Variants in FBXL17 observed in about 807,000 individuals in gnomAD.
The protein encoded by FBXL17 is F-box/LRR-repeat protein 17.
Under a neutral mutation model 66.2 loss-of-function variants are expected in FBXL17, and 22 were observed. The ratio of observed to expected loss-of-function variants is 0.33; its 90% CI spans 0.24 to 0.47. The LOEUF (loss-of-function observed/expected upper bound fraction) is 0.47. Among genes scored for constraint, FBXL17 ranks in the 20% least tolerant of loss-of-function variants. The pLI, the probability that FBXL17 is intolerant of heterozygous loss-of-function variation, is 1.00. For missense variants in FBXL17, 878 were observed against 948.2 expected (o/e 0.93, Z 0.97); for synonymous variants, 474 against 400.5 (o/e 1.18, Z -2.19).
chr5:108,018,708 T>A (rs1456417273), intron 7 of FBXL17, among the ~76,000 whole-genome samples: 1 of 152,046 alleles, frequency 6.6e-6, no homozygotes, highest in Non-Finnish European at 1.5e-5. Flanking sequence ...GGGACTGAGG[T>A]GCAAGAAAAA....
chr5:107,871,069 A>AAAACAAAAAAAAAC (rs1554080842), intron 8 of FBXL17, among the ~76,000 whole-genome samples: 3 of 130,174 alleles, frequency 2.3e-5, no homozygotes, highest in East Asian at 2.1e-4. Flanking sequence ...AAAAAAAAAA[A>AAAACAAAAAAAAAC]AAAAAAAAAA....
Position 108,381,907 on chromosome 5 carries a change from G to A in FBXL17, c.-216C>T, listed in dbSNP as rs1169881874. ...CGACGGGGGCTACATGCTTTGCCCA[G>A]GGAAGCCGGGAGAACGATGGGCGCG... On this transcript the variant is annotated 5_prime_UTR_variant, in exon 1 of 9. Coordinates refer to ENST00000542267, the MANE Select transcript of FBXL17 (RefSeq NM_001163315.3). 11 of 1,266,808 alleles carry A rather than the reference G, an allele frequency of 8.7e-6. No individual in the cohort carries two copies. Among genetic ancestry groups the A allele is most frequent in the Non-Finnish European group, 1.1e-5 (11 of 1,006,382 alleles). 78.5% of individuals were successfully genotyped at this position (1,266,808 alleles called of 1,614,324 possible).
chr5:107,883,161 A>C (rs1441321170), intron 7 of FBXL17, among the ~76,000 whole-genome samples: 1 of 152,238 alleles, frequency 6.6e-6, no homozygotes, highest in Non-Finnish European at 1.5e-5. Context: ...CCCTTGGCTA[A>C]GAATTTCAGG....
chr5:107,948,177 GAAAT>G (rs1426331121), intron 7 of FBXL17, among the ~76,000 whole-genome samples: 1 of 152,006 alleles, frequency 6.6e-6, no homozygotes, highest in Non-Finnish European at 1.5e-5. Context: ...AGGTAATAGA[GAAAT>G]AAACCTTTTG....
chr5:107,927,532 C>T (rs1013699716), intron 7 of FBXL17, among the ~76,000 whole-genome samples: 1 of 151,948 alleles, frequency 6.6e-6, no homozygotes, highest in East Asian at 1.9e-4. Context: ...ATGTAAAAAC[C>T]AAAACATATA....
chr5:107,923,265 G>T (rs145474897), intron 7 of FBXL17, among the ~76,000 whole-genome samples: 1 of 152,252 alleles, frequency 6.6e-6, no homozygotes, highest in Non-Finnish European at 1.5e-5. Flanking sequence ...CACAAACTGG[G>T]TTGCTCTGAA....
At chr5:108,251,320 A>C (rs112541992) in intron 4 of FBXL17, among the ~76,000 whole-genome samples, 1,774 of 152,132 alleles carry the variant, frequency 0.012, 30 homozygotes, top group African/African-American at 0.038. Context: ...GAGTTCTTTC[A>C]TTATTAATAA....
chr5:107,878,513 G>A (rs988566058), intron 8 of FBXL17: 15 of 798,414 alleles, frequency 1.9e-5, no homozygotes, highest in East Asian at 2.5e-4. Context: ...GTAACTGCCC[G>A]CGGTGACACA....
At chr5:107,895,376 G>A (rs1417492742) in intron 7 of FBXL17, among the ~76,000 whole-genome samples, 1 of 152,092 alleles carries the variant, frequency 6.6e-6, no homozygotes, top group East Asian at 1.9e-4. Context: ...TTGCTGCAAA[G>A]AAGCCTAAGT....
At chr5:108,152,070 G>A (rs1292156152) in intron 6 of FBXL17, among the ~76,000 whole-genome samples, 1 of 152,022 alleles carries the variant, frequency 6.6e-6, no homozygotes, top group Non-Finnish European at 1.5e-5. Context: ...TGAATACATA[G>A]GTGACTTAGA....
At chr5:107,880,921 T>C (rs1042394084) in intron 8 of FBXL17, 116 bp downstream of exon 8, 4 of 1,493,886 alleles carry the variant, frequency 2.7e-6, no homozygotes, top group Middle Eastern at 2.1e-4. Flanking sequence ...ACATATAAAA[T>C]GTATATATAA....
intron 4 of FBXL17, among the ~76,000 whole-genome samples, chr5:108,226,489 A>G (rs1399499114): frequency 2.0e-5 from 3 of 152,132 alleles, no homozygotes; most frequent in Non-Finnish European, 4.4e-5. Flanking sequence ...CATGTGTCTT[A>G]AGAAGTCTTT....
At chr5:108,206,127 G>T (rs968138334) in intron 5 of FBXL17, among the ~76,000 whole-genome samples, 1 of 151,732 alleles carries the variant, frequency 6.6e-6, no homozygotes, top group Non-Finnish European at 1.5e-5. Flanking sequence ...TCATTGCCTC[G>T]GTCCATTATT....
intron 6 of FBXL17, among the ~76,000 whole-genome samples, chr5:108,154,388 G>C (rs1751887924): frequency 6.6e-6 from 1 of 150,408 alleles, no homozygotes; most frequent in Non-Finnish European, 1.5e-5. Context: ...GAGGTCAGGA[G>C]TTCGAGACCA....
At chr5:108,222,502 TCTC>T (rs1754909325) in intron 5 of FBXL17, among the ~76,000 whole-genome samples, 3 of 152,106 alleles carry the variant, frequency 2.0e-5, no homozygotes, top group Admixed American at 2.0e-4. Context: ...AGGCCTATCC[TCTC>T]CTCTAGCTTT....
rs529894360 is a variant in FBXL17 at position 108,212,808 on chromosome 5, G to A, written c.1614+11313C>T. Reference sequence around the variant, plus strand: ...CACAGGAGTCAGGGACCCACTTGAAGAGGCAGTCTGATCCTTAGCAGAGGT... The same window carrying A: ...CACAGGAGTCAGGGACCCACTTGAAAAGGCAGTCTGATCCTTAGCAGAGGT... On this transcript the variant is annotated intron_variant, in intron 5 of 8. Transcript: ENST00000542267. 1.5e-3 allele frequency among the ~76,000 whole-genome samples: 234 copies of A among 152,344 alleles called. 2 individuals are homozygous for A. Among genetic ancestry groups the A allele is most frequent in the Non-Finnish European group, 2.2e-3 (148 of 68,030 alleles).
chr5:108,269,769 A>T (rs1757190942), intron 4 of FBXL17, among the ~76,000 whole-genome samples: 1 of 152,146 alleles, frequency 6.6e-6, no homozygotes, highest in Non-Finnish European at 1.5e-5. Context: ...TACCTAAGAC[A>T]GTGCCACCAC....
chr5:107,937,012 C>G (rs921704204), intron 7 of FBXL17, among the ~76,000 whole-genome samples: 2 of 151,066 alleles, frequency 1.3e-5, no homozygotes, highest in Admixed American at 1.3e-4. Flanking sequence ...TGAAAGTAAC[C>G]ATGGATTAAA....
intron 7 of FBXL17, among the ~76,000 whole-genome samples, chr5:107,888,043 C>A (rs548924611): frequency 6.6e-6 from 1 of 152,166 alleles, no homozygotes; most frequent in South Asian, 2.1e-4. Flanking sequence ...TAATTAATGT[C>A]CTTTCCATCC....
Sources: gnomAD v4.1 joint callset for allele counts (sites outside exome capture counted in the v4.1 genomes callset) on GRCh38, gnomAD v4.1.1 for gene constraint, MANE v1.5 for transcripts, NCBI Gene and HGNC (gene_info 2026-07-23, HGNC 2026-07-21) for gene names.